Variants in PSMD1 observed in about 807,000 individuals in gnomAD.
The protein encoded by PSMD1 is 26S proteasome non-ATPase regulatory subunit 1.
Under a neutral mutation model 119.0 loss-of-function variants are expected in PSMD1, and 18 were observed. The ratio of observed to expected loss-of-function variants is 0.15; its 90% CI spans 0.10 to 0.22. The LOEUF is 0.22. Ranked by LOEUF, PSMD1 falls within the 10% of genes least tolerant of loss-of-function variation. The pLI is 1.00. For missense variants in PSMD1, 702 were observed against 1,158.5 expected, an observed-to-expected ratio of 0.61 and a Z score of 5.72; for synonymous variants, 374 against 396.6, an observed-to-expected ratio of 0.94 and a Z score of 0.68.
intron 23 of PSMD1, among the ~76,000 whole-genome samples, chr2:231,167,566 C>T (rs1265066706): frequency 6.6e-6 from 1 of 151,046 alleles, no homozygotes; most frequent in Non-Finnish European, 1.5e-5. Flanking sequence ...AGGTATAGCC[C>T]TACACACACA....
intron 16 of PSMD1, among the ~76,000 whole-genome samples, chr2:231,120,654 A>G (rs1695508099): frequency 6.6e-6 from 1 of 152,248 alleles, no homozygotes; most frequent in South Asian, 2.1e-4. Flanking sequence ...TAAGGACAGA[A>G]GGTCCACTTT....
intron 18 of PSMD1, among the ~76,000 whole-genome samples, chr2:231,146,884 C>T (rs1696264908): frequency 6.6e-6 from 1 of 152,200 alleles, no homozygotes; most frequent in African/African-American, 2.4e-5. Context: ...CAAATGGCTC[C>T]AAGACAGCTT....
intron 18 of PSMD1, among the ~76,000 whole-genome samples, chr2:231,150,433 T>C (rs1312091375): frequency 1.3e-5 from 2 of 151,750 alleles, no homozygotes; most frequent in East Asian, 3.9e-4. Flanking sequence ...TAGAGACATA[T>C]AGAGACATAT....
chr2:231,162,695 T>G (rs1218498849), intron 20 of PSMD1, among the ~76,000 whole-genome samples: 2 of 151,840 alleles, frequency 1.3e-5, no homozygotes, highest in Admixed American at 6.6e-5. Flanking sequence ...GGTGTGGTTG[T>G]GCACATCTGT....
At chr2:231,057,986 T>C (rs528020118) in intron 1 of PSMD1, among the ~76,000 whole-genome samples, 14 of 152,348 alleles carry the variant, frequency 9.2e-5, no homozygotes, top group African/African-American at 3.1e-4. Flanking sequence ...GTAATCTGAA[T>C]GGTAAGGCGA....
intron 16 of PSMD1, among the ~76,000 whole-genome samples, chr2:231,087,832 C>T (rs572185764): frequency 2.2e-4 from 33 of 152,074 alleles, no homozygotes; most frequent in South Asian, 6.2e-4. Context: ...TGTGGTGGCA[C>T]GCACCTGTAA....
At chr2:231,076,997 TTA>T (rs774118453) in intron 8 of PSMD1, 35 bp from the exon 9 acceptor site, 2 of 1,576,564 alleles carry the variant, frequency 1.3e-6, no homozygotes, top group African/African-American at 2.8e-5. Context: ...GTAATACTGT[TTA>T]TGAGTTTTCA....
chr2:231,093,757 A>G (rs1357694986), intron 16 of PSMD1, among the ~76,000 whole-genome samples: 1 of 152,136 alleles, frequency 6.6e-6, no homozygotes, highest in African/African-American at 2.4e-5. Flanking sequence ...GTTCTTACCC[A>G]TATTCCCCCT....
chr2:231,104,668 TC>T (rs1694938910), intron 16 of PSMD1, among the ~76,000 whole-genome samples: 1 of 152,126 alleles, frequency 6.6e-6, no homozygotes, highest in African/African-American at 2.4e-5. Context: ...TTAATAAATT[TC>T]CCCACTGTCA....
At chr2:231,136,539 G>GT (rs1695969688) in intron 16 of PSMD1, among the ~76,000 whole-genome samples, 1 of 152,118 alleles carries the variant, frequency 6.6e-6, no homozygotes, top group Non-Finnish European at 1.5e-5. Flanking sequence ...TTGTTCACAG[G>GT]TATCTCCTTA....
intron 8 of PSMD1, among the ~76,000 whole-genome samples, chr2:231,076,770 C>T (rs187717891): frequency 2.0e-5 from 3 of 152,086 alleles, no homozygotes; most frequent in East Asian, 1.9e-4. Context: ...AGTAATTTTC[C>T]TGCGTGTTAT....
chr2:231,148,111 A>G (rs1232643998), intron 18 of PSMD1, among the ~76,000 whole-genome samples: 2 of 152,238 alleles, frequency 1.3e-5, no homozygotes, highest in African/African-American at 4.8e-5. Flanking sequence ...CTTCTAGAAC[A>G]TAAACATCTT....
chr2:231,141,598 T>A (rs1696117808), intron 17 of PSMD1, among the ~76,000 whole-genome samples: 1 of 151,164 alleles, frequency 6.6e-6, no homozygotes, highest in African/African-American at 2.4e-5. Flanking sequence ...TTTTTTTTTT[T>A]AATAGAGACT....
chr2:231,116,692 A>C (rs564359740), intron 16 of PSMD1, among the ~76,000 whole-genome samples: 16 of 152,208 alleles, frequency 1.1e-4, no homozygotes, highest in African/African-American at 3.6e-4. Flanking sequence ...TGTTAGCCTC[A>C]CTTTAAACAG....
At chr2:231,066,666 A>G (rs767864866) in intron 4 of PSMD1, among the ~76,000 whole-genome samples, 6 of 152,176 alleles carry the variant, frequency 3.9e-5, no homozygotes, top group East Asian at 1.9e-4. Context: ...GGTGAGCACT[A>G]CCACACCTGG....
intron 21 of PSMD1, among the ~76,000 whole-genome samples, chr2:231,164,526 T>C (rs545820574): frequency 6.6e-6 from 1 of 152,248 alleles, no homozygotes; most frequent in South Asian, 2.1e-4. Flanking sequence ...TTGCTGTAAA[T>C]TTTGTGTATA....
chr2:231,132,581 A>G (rs1362886998), intron 16 of PSMD1, among the ~76,000 whole-genome samples: 4 of 152,232 alleles, frequency 2.6e-5, no homozygotes, highest in Non-Finnish European at 5.9e-5. Context: ...TGATGGTAGT[A>G]TGGTATTTTC....
At chr2:231,105,278 C>G (rs984560020) in intron 16 of PSMD1, among the ~76,000 whole-genome samples, 1 of 152,052 alleles carries the variant, frequency 6.6e-6, no homozygotes, top group Non-Finnish European at 1.5e-5. Flanking sequence ...TAATTTTTAT[C>G]TAAATAAATG....
chr2:231,072,108 A>G lies in PSMD1; in HGVS notation c.655-81A>G, dbSNP rs572080633. On this transcript the variant is annotated intron_variant, in intron 6 of 24. Coordinates refer to ENST00000308696, the MANE Select transcript of PSMD1 (RefSeq NM_002807.4). ...CTGTGCTTATATTTTAAGGTTTTCTATAATGTTGATTTTGTCTCCTTAAGT... is the reference window on the plus strand; with the variant it reads ...CTGTGCTTATATTTTAAGGTTTTCTGTAATGTTGATTTTGTCTCCTTAAGT... The G allele has an allele frequency of 1.8e-5, 21 of 1,191,146 alleles. No individual in the cohort carries two copies. In the South Asian group the frequency reaches 2.7e-4, roughly 15 times the overall value. The allele number at this position is 1,191,146 out of a possible 1,614,324, so 73.8% of individuals were successfully genotyped here.
Sources: allele counts gnomAD v4.1 joint callset (sites outside exome capture counted in the v4.1 genomes callset), GRCh38; gene constraint gnomAD v4.1.1; transcripts MANE v1.5; gene names NCBI Gene and HGNC (gene_info 2026-07-23, HGNC 2026-07-21).